MPDU1: variants seen among roughly 807,000 people sequenced by gnomAD.
MPDU1 encodes the protein mannose-P-dolichol utilization defect 1, also known as mannose-P-dolichol utilization defect 1 protein.
A neutral mutation model predicts 27.6 loss-of-function variants in MPDU1; 18 were observed. That is an observed-to-expected ratio of 0.65 (90% CI 0.45 to 0.97). The LOEUF (loss-of-function observed/expected upper bound fraction) is 0.97, where lower values mean the gene tolerates loss of function less well. Among genes scored for constraint, MPDU1 ranks in the 50% least tolerant of loss-of-function variants. The pLI, the probability that MPDU1 is intolerant of heterozygous loss-of-function variation, is 0.00. For missense variants in MPDU1, 279 were observed against 297.4 expected, an observed-to-expected ratio of 0.94 and a Z score of 0.46; for synonymous variants, 142 against 131.1, an observed-to-expected ratio of 1.08 and a Z score of -0.57.
chr17:7,587,463 TCTC>T lies in MPDU1; in HGVS notation c.660_662del (p.Ser221del). ...CCCCTGATGGCTGGGACCTTTGTGG[TCTC>T]CTCTCTCTGCAACGGCCTCATCGCC... On this transcript the variant is annotated inframe_deletion, in exon 7 of 7. Transcript: ENST00000250124. The T allele has an allele frequency of 6.8e-6, 11 of 1,613,712 alleles. No individual in the cohort carries two copies. The highest frequency in any genetic ancestry group is 1.1e-5 in the South Asian group (1 of 91,052).
intron 1 of MPDU1, among the ~76,000 whole-genome samples, chr17:7,584,941 CAAGA>C (rs2071556180): frequency 6.6e-6 from 1 of 151,860 alleles, no homozygotes; most frequent in Admixed American, 6.6e-5. Context: ...TACAGTGAGC[CAAGA>C]TCGTGCCATT....
intron 6 of MPDU1, 37 bp downstream of exon 6, chr17:7,587,308 C>G (rs1455052236): frequency 2.5e-6 from 4 of 1,612,564 alleles, no homozygotes; most frequent in Non-Finnish European, 3.4e-6. Context: ...GGCACTAAAA[C>G]CTCGTCTTAC....
At chr17:7,583,795 C>A (rs770588938), upstream of MPDU1, 1 of 1,532,850 alleles carries the variant, frequency 6.5e-7, no homozygotes, top group South Asian at 1.1e-5. Context: ...GGCGGAGTGT[C>A]CGCAGCGCGC....
intron 4 of MPDU1, 51 bp downstream of exon 4, chr17:7,586,828 T>C (rs1306450970): frequency 1.9e-6 from 3 of 1,610,864 alleles, no homozygotes; most frequent in Non-Finnish European, 2.5e-6. Context: ...GGAACCCTGC[T>C]GGGAACTCAG....
rs778097197 is a variant in MPDU1 at position 7,588,161 on chromosome 17, A to C, written c.*610A>C. ...CAGTGAGGGGAACAGATGGGACAAT[A>C]AAGACTGGAGACTCAGTTGAATAAT... On this transcript the variant is annotated 3_prime_UTR_variant, in exon 7 of 7. Coordinates refer to ENST00000250124, the MANE Select transcript of MPDU1 (RefSeq NM_004870.4). 4 of 688,232 alleles carry C rather than the reference A, an allele frequency of 5.8e-6. No individual in the cohort carries two copies. The Admixed American group carries it at 8.1e-5, about 14-fold the overall frequency. 42.6% of individuals were successfully genotyped at this position (688,232 alleles called of 1,614,324 possible).
At position 7,586,902 on chromosome 17, in the gene MPDU1, T is replaced by A. The variant is rs1486340828; in HGVS notation, c.392T>A (p.Val131Asp). 1 of 1,613,838 alleles carries A rather than the reference T, an allele frequency of 6.2e-7. No individual in the cohort carries two copies. The highest frequency in any genetic ancestry group is 8.5e-7 in the Non-Finnish European group (1 of 1,179,976). The change falls in exon 5 of 7, where the codon GTC becomes GAC. Residue 131 changes from valine (V) to aspartate (D), a missense_variant. By Grantham distance (152) the Val-to-Asp change is radical (BLOSUM62 -3). Coordinates refer to ENST00000250124, the MANE Select transcript of MPDU1 (RefSeq NM_004870.4). ...MHYRGQTVKGVAFLACYGLVL... is the reference protein window; with the variant it reads ...MHYRGQTVKGDAFLACYGLVL... ...ACTCCTGTCTCCCCACCCCTAGGTG[T>A]CGCTTTCCTCGCTTGCTACGGCCTG...
At chr17:7,585,823 C>G (rs757422871) in intron 2 of MPDU1, 26 bp downstream of exon 2, 2 of 1,613,746 alleles carry the variant, frequency 1.2e-6, no homozygotes, top group Non-Finnish European at 1.7e-6. Flanking sequence ...TTCTTTCCAG[C>G]TGTTGGGTTG....
In MPDU1 at chr17:7,587,739, TG is replaced by T. The variant is rs1421785805; in HGVS notation, c.*193del. 6.5e-6 allele frequency: 6 copies of T among 921,530 alleles called. 1 individual carries two copies. The Admixed American group carries it at 1.0e-4, about 16-fold the overall frequency. The allele number at this position is 921,530 out of a possible 1,614,324, so 57.1% of individuals were successfully genotyped here. A position where few individuals can be genotyped will look rare whatever the true frequency, so the allele number is the denominator to read the frequency against. ...TCCAGATCCTTAGAAAAGGAGAGGATGGGGGTAGAGTCTCCCAAGCCAAAAT... is the reference window on the plus strand; with the variant it reads ...TCCAGATCCTTAGAAAAGGAGAGGATGGGGTAGAGTCTCCCAAGCCAAAAT... On this transcript the variant is annotated 3_prime_UTR_variant, in exon 7 of 7. Transcript: ENST00000250124.
At position 7,587,630 on chromosome 17, in the gene MPDU1, G is replaced by A. The variant is rs772580910; in HGVS notation, c.*79G>A. On this transcript the variant is annotated 3_prime_UTR_variant, in exon 7 of 7. Transcript: ENST00000250124. ...TCCCCATCTGAGCCAGCCTGCTGGT[G>A]TGACTTACTCATCCTCCATTCCTCT... 2 of 1,590,892 alleles carry A rather than the reference G, an allele frequency of 1.3e-6. No individual in the cohort carries two copies. Among genetic ancestry groups the A allele is most frequent in the African/African-American group, 1.3e-5 (1 of 74,400 alleles).
rs199498675 is a variant in MPDU1, at chr17:7,585,749, C to G, written c.121C>G (p.Leu41Val). The G allele has an allele frequency of 2.0e-4, 330 of 1,614,156 alleles. 3 individuals carry two copies. The South Asian group carries it at 3.3e-3, about 16-fold the overall frequency. ...CTCCTCAGTCCCCTGCCTCAAGATT[C>G]TCCTCAGCAAAGGCCTGGGGCTGGG... ...DLLHVPCLKI[L>V]LSKGLGLGIV... Residue 41 changes from leucine to valine, a missense_variant, in exon 2 of 7, where the codon CTC becomes GTC. Physicochemically the swap from Leu to Val is conservative, Grantham distance 32. Transcript: ENST00000250124.
At chr17:7,587,374 C>A (rs375426452) in intron 6 of MPDU1, 52 bp from the exon 7 acceptor site, 128 of 1,613,982 alleles carry the variant, frequency 7.9e-5, no homozygotes, top group Middle Eastern at 3.3e-4. Context: ...CATAAGGGAA[C>A]CTTTCTTGAG....
chr17:7,586,838 G>A (rs1304785264), intron 4 of MPDU1, 61 bp downstream of exon 4: 1 of 1,612,176 alleles, frequency 6.2e-7, no homozygotes, highest in African/African-American at 1.3e-5. Flanking sequence ...TGGGAACTCA[G>A]GTCTGGGAAA....
Position 7,583,946 on chromosome 17 carries a change from T to C in MPDU1, c.84T>C (p.Val28=), listed in dbSNP as rs1430454810. 6.2e-7 allele frequency: 1 copy of C among 1,614,044 alleles called. No homozygotes were observed. The highest frequency in any genetic ancestry group is 8.5e-7 in the Non-Finnish European group (1 of 1,180,048). The change falls in exon 1 of 7, where the codon GTT becomes GTC. Residue 28 remains valine, a synonymous_variant. Transcript: ENST00000250124. ...AGAAATGCTACGACCAACTTTTCGT[T>C]CAGTGGGACTTGCTTCACGGTGAGT... ...LPEKCYDQLF[V]QWDLLHVPCL... is the part of the protein sequence containing the mutation.
intron 1 of MPDU1, among the ~76,000 whole-genome samples, chr17:7,584,673 C>T (rs909151426): frequency 7.2e-5 from 11 of 152,132 alleles, no homozygotes; most frequent in African/African-American, 2.7e-4. Context: ...TGAGTAGGGG[C>T]CAGGGACAGT....
At position 7,587,795 on chromosome 17, in the gene MPDU1, G is replaced by A; in HGVS notation, c.*244G>A. 1 of 620,250 alleles carries A rather than the reference G, an allele frequency of 1.6e-6. No homozygotes were observed. The highest frequency in any genetic ancestry group is 3.0e-6 in the Non-Finnish European group (1 of 334,094). 38.4% of individuals were successfully genotyped at this position (620,250 alleles called of 1,614,324 possible). A position where few individuals can be genotyped will look rare whatever the true frequency, so the allele number is the denominator to read the frequency against. ...ACATTTGAGTGCTTTCGTAAGCCCT[G>A]TACATGTACTATTAATTCAGTCATT... On this transcript the variant is annotated 3_prime_UTR_variant, in exon 7 of 7. Coordinates refer to ENST00000250124, the MANE Select transcript of MPDU1 (RefSeq NM_004870.4).
chr17:7,588,212 AT>A, downstream of MPDU1: 1 of 787,396 alleles, frequency 1.3e-6, no homozygotes. Flanking sequence ...ACTACCAAAA[AT>A]ATAATTGTAT....
In MPDU1 at chr17:7,586,698, G is replaced by A; in HGVS notation, c.309G>A (p.Trp103Ter). Residue 103 changes from tryptophan to a stop codon, truncating the protein, a stop_gained, in exon 4 of 7, where the codon TGG becomes TGA. Transcript: ENST00000250124. LOFTEE classifies it high-confidence loss of function. ...SITNNFPFSS[W>*]GEALFLMLQT... ...CCAACTCTTGACTCTGCAGCTCTTG[G>A]GGTGAAGCCTTATTCCTGATGCTCC... 6.2e-7 allele frequency: 1 copy of A among 1,614,112 alleles called. No homozygotes were observed. Among genetic ancestry groups the A allele is most frequent in the African/African-American group, 1.3e-5 (1 of 75,022 alleles).
chr17:7,585,924 A>T (rs751179870), intron 2 of MPDU1, 22 bp from the exon 3 acceptor site: 29 of 1,613,992 alleles, frequency 1.8e-5, no homozygotes, highest in Middle Eastern at 3.3e-4. Flanking sequence ...CCTCAGTCCT[A>T]CTTTTCTCAT....
At chr17:7,584,465 T>C (rs969451245) in intron 1 of MPDU1, among the ~76,000 whole-genome samples, 2 of 152,200 alleles carry the variant, frequency 1.3e-5, no homozygotes, top group Admixed American at 1.3e-4. Context: ...TCAGACCGTT[T>C]GGGGAGCGTC....
Sources: allele counts gnomAD v4.1 joint callset (sites outside exome capture counted in the v4.1 genomes callset), GRCh38; gene constraint gnomAD v4.1.1; transcripts MANE v1.5; gene names NCBI Gene and HGNC (gene_info 2026-07-23, HGNC 2026-07-21).